The following MLEC variants were observed in gnomAD, a reference collection of about 807,000 sequenced individuals.
MLEC encodes the protein malectin.
A neutral mutation model predicts 28.7 loss-of-function variants in MLEC; 7 were observed. The observed-to-expected ratio is 0.24, with a 90% CI of 0.14 to 0.46. The LOEUF (loss-of-function observed/expected upper bound fraction) is 0.46. MLEC is among the 20% of genes least tolerant of loss of function. MLEC has a pLI of 0.99. For synonymous variants in MLEC, 142 were observed against 164.4 expected (o/e 0.86, Z 1.04); for missense variants, 237 against 391.1 (o/e 0.61, Z 3.32).
In MLEC at chr12:120,695,084, C is replaced by G. The variant is rs1303592470; in HGVS notation, c.592-11C>G. 1 of 1,614,012 alleles carries G rather than the reference C, an allele frequency of 6.2e-7. No homozygotes were observed. Among genetic ancestry groups the G allele is most frequent in the East Asian group, 2.2e-5 (1 of 44,896 alleles). On this transcript the variant is annotated splice_polypyrimidine_tract_variant and intron_variant, in intron 3 of 4. Coordinates refer to ENST00000228506, the MANE Select transcript of MLEC (RefSeq NM_014730.4). The stretch of plus-strand genomic sequence containing the variant: ...GCTGTGTGGGGTTGACCACTGTTTC[C>G]CTTTTCCTAGGGGTACTATGACAAT...
In MLEC at chr12:120,696,541, T is replaced by C; in HGVS notation, c.875T>C (p.Leu292Ser). 6.2e-7 allele frequency: 1 copy of C among 1,614,166 alleles called. No individual in the cohort carries two copies. The highest frequency in any genetic ancestry group is 8.5e-7 in the Non-Finnish European group (1 of 1,180,022). The change falls in exon 5 of 5, where the codon TTG (leucine) becomes TCG (serine). Residue 292 changes from leucine to serine, a missense_variant. Transcript: ENST00000228506. This position sits in a 1 kb window ranked among gnomAD's most constrained non-coding sequence, Gnocchi z 5.4. ...CCAACCCTCTTCTGCCTCTGCCGGTTGTGAGAACAAATGACTATCCTGAAC... is the reference window on the plus strand; with the variant it reads ...CCAACCCTCTTCTGCCTCTGCCGGTCGTGAGAACAAATGACTATCCTGAAC... ...FIPTLFCLCR[L>S] is the part of the protein sequence containing the mutation.
rs1882166416 is a variant in MLEC, at chr12:120,694,807, T to G, written c.415-17T>G. On this transcript the variant is annotated splice_polypyrimidine_tract_variant and intron_variant, in intron 2 of 4. Coordinates refer to ENST00000228506, the MANE Select transcript of MLEC (RefSeq NM_014730.4). This position sits in a 1 kb window ranked among gnomAD's most constrained non-coding sequence, Gnocchi z 4.5. ...AGCTGATGGTTTTGACATTGTTTTCTTTTCTTATCCTGGAAGGTATTTGAT... is the reference window on the plus strand; with the variant it reads ...AGCTGATGGTTTTGACATTGTTTTCGTTTCTTATCCTGGAAGGTATTTGAT... The G allele has an allele frequency of 6.3e-7, 1 of 1,594,922 alleles. No homozygotes were observed. The highest frequency in any genetic ancestry group is 1.7e-4 in the Middle Eastern group (1 of 5,988).
intron 1 of MLEC, among the ~76,000 whole-genome samples, chr12:120,691,060 T>G (rs1882017680): frequency 6.6e-6 from 1 of 152,188 alleles, no homozygotes; most frequent in Non-Finnish European, 1.5e-5. Flanking sequence ...GGAGTGACGC[T>G]AGAGCACCAA....
chr12:120,687,586 C>T lies in MLEC; in HGVS notation c.235+55C>T. On this transcript the variant is annotated intron_variant, in intron 1 of 4. Transcript: ENST00000228506. This position sits in a 1 kb window ranked among gnomAD's most constrained non-coding sequence, Gnocchi z 8.1. ...CCAGGGCCTGCTGTGCTGGGCGCAG[C>T]CGGCCGGGGGCTGCGGGCCCCGAGC... 1.5e-6 allele frequency: 2 copies of T among 1,364,814 alleles called. No individual in the cohort carries two copies. The highest frequency in any genetic ancestry group is 9.7e-7 in the Non-Finnish European group (1 of 1,034,586). 84.5% of individuals were successfully genotyped at this position (1,364,814 alleles called of 1,614,324 possible). A position where few individuals can be genotyped will look rare whatever the true frequency, so the allele number is the denominator to read the frequency against.
At position 120,694,837 on chromosome 12, in the gene MLEC, G is replaced by A. The variant is rs1592918129; in HGVS notation, c.428G>A (p.Arg143Gln). 3 of 1,612,434 alleles carry A rather than the reference G, an allele frequency of 1.9e-6. No homozygotes were observed. Among genetic ancestry groups the A allele is most frequent in the Non-Finnish European group, 2.5e-6 (3 of 1,178,910 alleles). Reference sequence around the variant, plus strand: ...TTATCCTGGAAGGTATTTGATGTACGATTGAATGGCCACGTCGTGGTGAAG... The same window carrying A: ...TTATCCTGGAAGGTATTTGATGTACAATTGAATGGCCACGTCGTGGTGAAG... ...AQSQQKVFDVRLNGHVVVKDL... is the reference protein window; with the variant it reads ...AQSQQKVFDVQLNGHVVVKDL... Residue 143 changes from arginine (R) to glutamine (Q), a missense_variant, in exon 3 of 5, where the codon CGA becomes CAA. Transcript: ENST00000228506. The surrounding 1 kb of genome is among the most constrained non-coding windows in gnomAD (Gnocchi z 4.5).
rs992384093 is a variant in MLEC at position 120,699,921 on chromosome 12, C to T, written c.*3376C>T. ...AGCTTTAGAACTGTGGTTTTGACTT[C>T]CTTATCTCTTGGGAGAAGCTTCTGT... On this transcript the variant is annotated 3_prime_UTR_variant, in exon 5 of 5. Coordinates refer to ENST00000228506, the MANE Select transcript of MLEC (RefSeq NM_014730.4). 13 of 152,650 alleles carry T rather than the reference C, an allele frequency of 8.5e-5. No individual in the cohort carries two copies. Among genetic ancestry groups the T allele is most frequent in the Admixed American group, 2.6e-4 (4 of 15,288 alleles). The allele number at this position is 152,650 out of a possible 1,614,324, so 9.5% of individuals were successfully genotyped here. A position where few individuals can be genotyped will look rare whatever the true frequency, so the allele number is the denominator to read the frequency against.
At chr12:120,690,233 A>G (rs1363399060) in intron 1 of MLEC, among the ~76,000 whole-genome samples, 2 of 151,912 alleles carry the variant, frequency 1.3e-5, no homozygotes, top group Non-Finnish European at 2.9e-5. Context: ...CTGGTCTTGA[A>G]CTTCTGTCCT....
rs1001422854 is a variant in MLEC at position 120,687,764 on chromosome 12, CTCA to C, written c.235+236_235+238del. On this transcript the variant is annotated intron_variant, in intron 1 of 4. Coordinates refer to ENST00000228506, the MANE Select transcript of MLEC (RefSeq NM_014730.4). The surrounding 1 kb of genome is among the most constrained non-coding windows in gnomAD (Gnocchi z 8.1). Reference sequence around the variant, plus strand: ...CCAGAAGTTAGTTATATTTGGATTTCTCATCCTGCATTTTCTCAACCCCTCACT... The same window carrying C: ...CCAGAAGTTAGTTATATTTGGATTTCTCCTGCATTTTCTCAACCCCTCACT... Among the ~76,000 whole-genome samples, 10 of 152,328 alleles carry C rather than the reference CTCA, an allele frequency of 6.6e-5. No individual in the cohort carries two copies. Among genetic ancestry groups the C allele is most frequent in the Admixed American group, 6.5e-4 (10 of 15,306 alleles).
Position 120,696,567 on chromosome 12 carries a change from A to T in MLEC, c.*22A>T, listed in dbSNP as rs769672941. 6.2e-7 allele frequency: 1 copy of T among 1,611,980 alleles called. No individual in the cohort carries two copies. The highest frequency in any genetic ancestry group is 2.2e-5 in the East Asian group (1 of 44,860). ...GTGAGAACAAATGACTATCCTGAACAGGGTGGAGGGGTGTGGGAAAGAAAC... is the reference window on the plus strand; with the variant it reads ...GTGAGAACAAATGACTATCCTGAACTGGGTGGAGGGGTGTGGGAAAGAAAC... On this transcript the variant is annotated 3_prime_UTR_variant, in exon 5 of 5. Transcript: ENST00000228506. The surrounding 1 kb of genome is among the most constrained non-coding windows in gnomAD (Gnocchi z 5.4).
intron 1 of MLEC, among the ~76,000 whole-genome samples, chr12:120,692,241 C>T (rs1275024673): frequency 1.3e-5 from 2 of 152,126 alleles, no homozygotes; most frequent in African/African-American, 2.4e-5. Flanking sequence ...CAAATGTAGT[C>T]GATGTTCCAG....
In MLEC at chr12:120,696,044, C is replaced by G. The variant is rs1270749857; in HGVS notation, c.650-272C>G. ...CATTGGATCATTGTCCCTGTCCAGT[C>G]TGGTTATCTTGGGGCTCTGTAAAAG... On this transcript the variant is annotated intron_variant, in intron 4 of 4. Transcript: ENST00000228506. This position sits in a 1 kb window ranked among gnomAD's most constrained non-coding sequence, Gnocchi z 5.4. Among the ~76,000 whole-genome samples, 3 of 152,136 alleles carry G rather than the reference C, an allele frequency of 2.0e-5. No homozygotes were observed. The highest frequency in any genetic ancestry group is 6.5e-5 in the Admixed American group (1 of 15,274).
chr12:120,698,385 TAG>T lies in MLEC; in HGVS notation c.*1841_*1842del, dbSNP rs1449989406. 2 of 152,256 alleles carry T rather than the reference TAG, an allele frequency of 1.3e-5. No individual in the cohort carries two copies. Among genetic ancestry groups the T allele is most frequent in the African/African-American group, 4.8e-5 (2 of 41,448 alleles). 9.4% of individuals were successfully genotyped at this position (152,256 alleles called of 1,614,324 possible). Reference sequence around the variant, plus strand: ...TTCGCTGTGACTTGGGTCTCAGTGCTAGGGTATTGAGTCAGGCAGCTGGAGGG... The same window carrying T: ...TTCGCTGTGACTTGGGTCTCAGTGCTGGTATTGAGTCAGGCAGCTGGAGGG... On this transcript the variant is annotated 3_prime_UTR_variant, in exon 5 of 5. Transcript: ENST00000228506.
chr12:120,695,742 C>T (rs1341599480), intron 4 of MLEC, among the ~76,000 whole-genome samples: 1 of 152,200 alleles, frequency 6.6e-6, no homozygotes, highest in Non-Finnish European at 1.5e-5. Context: ...CCCATTCCAC[C>T]TCTGTACCTT....
intron 1 of MLEC, chr12:120,693,856 AG>A (rs34249536): frequency 5.1e-6 from 2 of 388,432 alleles, no homozygotes; most frequent in African/African-American, 2.0e-5. Flanking sequence ...TGAGGTTTAC[AG>A]GGGCTGTTGG....
chr12:120,691,826 G>A (rs1205460657), intron 1 of MLEC, among the ~76,000 whole-genome samples: 1 of 151,810 alleles, frequency 6.6e-6, no homozygotes, highest in Non-Finnish European at 1.5e-5. Context: ...CGCAGATTAC[G>A]TTACTGTCAG....
intron 1 of MLEC, among the ~76,000 whole-genome samples, chr12:120,690,855 A>C (rs961642984): frequency 6.6e-5 from 10 of 152,194 alleles, no homozygotes; most frequent in African/African-American, 2.4e-4. Context: ...CTCTACCTCT[A>C]CTGTCACCTA....
intron 1 of MLEC, chr12:120,693,880 T>G: frequency 2.1e-6 from 1 of 473,080 alleles, no homozygotes; most frequent in Non-Finnish European, 3.8e-6. Flanking sequence ...TGATTAGTGT[T>G]TAGTTTCTTT....
At chr12:120,690,112 G>A (rs561155154) in intron 1 of MLEC, among the ~76,000 whole-genome samples, 54 of 152,266 alleles carry the variant, frequency 3.5e-4, no homozygotes, top group African/African-American at 1.3e-3. Context: ...GTTTAGAAGC[G>A]TTCACCTTGG....
intron 1 of MLEC, among the ~76,000 whole-genome samples, chr12:120,689,306 G>A (rs1881947797): frequency 6.6e-6 from 1 of 152,062 alleles, no homozygotes; most frequent in Non-Finnish European, 1.5e-5. Context: ...CAGTTCCTTG[G>A]AAGGAGTTTA....
Sources: gnomAD v4.1 joint callset for allele counts (sites outside exome capture counted in the v4.1 genomes callset) on GRCh38, gnomAD v4.1.1 for gene constraint, Gnocchi (gnomAD v3.1) non-coding constraint, MANE v1.5 for transcripts, NCBI Gene and HGNC (gene_info 2026-07-23, HGNC 2026-07-21) for gene names.